Variants in TMEM37 observed in about 807,000 individuals in gnomAD.
The protein encoded by TMEM37 is transmembrane protein 37.
In TMEM37, 12 loss-of-function variants were observed where a neutral mutation model predicts 11.0. The observed-to-expected ratio is 1.09, with a 90% CI of 0.70 to 1.76. TMEM37 has a LOEUF of 1.76. Among genes scored for constraint, TMEM37 ranks in the 40% most tolerant of loss-of-function variants. The probability of loss-of-function intolerance (pLI) is 0.00; values close to 1 mark genes in which losing one functional copy is unlikely to be tolerated. For missense variants in TMEM37, 203 were observed against 251.2 expected, an observed-to-expected ratio of 0.81 and a Z score of 1.30; for synonymous variants, 127 against 110.5, an observed-to-expected ratio of 1.15 and a Z score of -0.94.
Position 119,437,288 on chromosome 2 carries a change from G to C in TMEM37, c.421G>C (p.Gly141Arg). The C allele has an allele frequency of 6.2e-7, 1 of 1,614,164 alleles. No homozygotes were observed. The change falls in exon 2 of 2, where the codon GGG (glycine) becomes CGG (arginine). Residue 141 changes from glycine (G) to arginine (R), a missense_variant. Physicochemically the swap from Gly to Arg is moderately radical, Grantham distance 125. Transcript: ENST00000306406. ...GGTGTCTTTCGTCCTCTCCTCCGGCGGGCTCCTGGGTTTTGTGATCCTCCT... is the reference window on the plus strand; with the variant it reads ...GGTGTCTTTCGTCCTCTCCTCCGGCCGGCTCCTGGGTTTTGTGATCCTCCT... ...LLVSFVLSSG[G>R]LLGFVILLRN...
At chr2:119,432,034 TG>T in intron 1 of TMEM37, 110 bp downstream of exon 1, 1 of 784,954 alleles carries the variant, frequency 1.3e-6, no homozygotes, top group Non-Finnish European at 1.7e-6. Flanking sequence ...GGCGTCGGGC[TG>T]GGGGTGCGAG....
At chr2:119,432,193 C>A in intron 1 of TMEM37, 1 of 362,916 alleles carries the variant, frequency 2.8e-6, no homozygotes. Flanking sequence ...GCACCCGAGG[C>A]TCCCAAACTT....
Position 119,436,919 on chromosome 2 carries a change from C to T in TMEM37, c.52C>T (p.Arg18Cys), listed in dbSNP as rs141678483. 3.4e-5 allele frequency: 55 copies of T among 1,614,086 alleles called. No individual in the cohort carries two copies. The highest frequency in any genetic ancestry group is 2.5e-4 in the East Asian group (11 of 44,876). ...AQRPLGQRQP[R>C]RSFFESFIRT... ...GAGGCCTTTGGGCCAAAGGCAGCCC[C>T]GCCGGTCCTTCTTTGAATCCTTCAT... The change falls in exon 2 of 2, where the codon CGC becomes TGC. Residue 18 changes from arginine (R) to cysteine (C), a missense_variant. By Grantham distance (180) the Arg-to-Cys change is radical (BLOSUM62 -3). Transcript: ENST00000306406.
At chr2:119,430,153 A>G, upstream of TMEM37, 1 of 658,510 alleles carries the variant, frequency 1.5e-6, no homozygotes, top group Non-Finnish European at 2.7e-6. Flanking sequence ...ACTGGGGAGA[A>G]AGCAGGTGGG....
In TMEM37 at chr2:119,436,898, C is replaced by A. The variant is rs143186655; in HGVS notation, c.31C>A (p.Pro11Thr). 1 of 1,612,818 alleles carries A rather than the reference C, an allele frequency of 6.2e-7. No homozygotes were observed. The highest frequency in any genetic ancestry group is 8.5e-7 in the Non-Finnish European group (1 of 1,179,384). ...CTACGGTTTTTTCCAGGCCCAGAGG[C>A]CTTTGGGCCAAAGGCAGCCCCGCCG... Reference protein sequence around the residue: MTAVGVQAQRPLGQRQPRRSF... With the variant: MTAVGVQAQRTLGQRQPRRSF... Residue 11 changes from proline to threonine, a missense_variant, in exon 2 of 2, where the codon CCT becomes ACT. Physicochemically the swap from Pro to Thr is conservative, Grantham distance 38. Coordinates refer to ENST00000306406, the MANE Select transcript of TMEM37 (RefSeq NM_183240.3).
chr2:119,434,400 G>GT lies in TMEM37; in HGVS notation c.21+2479dup, dbSNP rs1241899562. 2.0e-5 allele frequency among the ~76,000 whole-genome samples: 3 copies of GT among 152,014 alleles called. No homozygotes were observed. In the East Asian group the frequency reaches 5.8e-4, roughly 29 times the overall value. On this transcript the variant is annotated intron_variant, in intron 1 of 1. Transcript: ENST00000306406. ...TGCCCAAGGACAAACACCTCTAATG[G>GT]TTTGTGGAGTAGACACAGGTTTTCA... is the stretch of plus-strand genomic sequence containing the variant.
chr2:119,437,589 G>A lies in TMEM37; in HGVS notation c.*149G>A. The A allele has an allele frequency of 3.5e-6, 4 of 1,136,600 alleles. No homozygotes were observed. The highest frequency in any genetic ancestry group is 4.9e-6 in the Non-Finnish European group (4 of 817,656). The allele number at this position is 1,136,600 out of a possible 1,614,324, so 70.4% of individuals were successfully genotyped here. ...CCTGTTTGCCGATAACTTGTGGGTG[G>A]TCAGCCAGAAATGGCCCGGGGGCCT... On this transcript the variant is annotated 3_prime_UTR_variant, in exon 2 of 2. Transcript: ENST00000306406.
chr2:119,430,957 T>G (rs2104733445), upstream of TMEM37, among the ~76,000 whole-genome samples: 1 of 152,210 alleles, frequency 6.6e-6, no homozygotes, highest in East Asian at 1.9e-4. Context: ...ACCAAAATGG[T>G]GAAACCCCCG....
intron 1 of TMEM37, 68 bp from the exon 2 acceptor site, chr2:119,436,820 TC>T (rs1682504227): frequency 1.5e-6 from 2 of 1,312,288 alleles, no homozygotes; most frequent in Non-Finnish European, 2.1e-6. Flanking sequence ...TCAGGGGTCT[TC>T]CCTGCAGAGG....
At chr2:119,434,441 T>C (rs1415832634) in intron 1 of TMEM37, among the ~76,000 whole-genome samples, 1 of 151,930 alleles carries the variant, frequency 6.6e-6, no homozygotes, top group Non-Finnish European at 1.5e-5. Flanking sequence ...TCCTTTGGTT[T>C]CTTTCTTACC....
upstream of TMEM37, chr2:119,429,898 C>T: frequency 7.8e-6 from 12 of 1,547,472 alleles, no homozygotes; most frequent in Non-Finnish European, 9.6e-6. Context: ...CCTGACCACA[C>T]ACGAAACTGG....
chr2:119,430,736 TG>T (rs1682376200), upstream of TMEM37, among the ~76,000 whole-genome samples: 1 of 152,190 alleles, frequency 6.6e-6, no homozygotes, highest in Non-Finnish European at 1.5e-5. Flanking sequence ...CCACCACATT[TG>T]AGGATGGGGG....
intron 1 of TMEM37, among the ~76,000 whole-genome samples, chr2:119,434,726 G>A (rs1303197198): frequency 1.3e-5 from 2 of 152,184 alleles, no homozygotes; most frequent in Admixed American, 1.3e-4. Flanking sequence ...CTCTGGCATG[G>A]CCCTTGAGGC....
At chr2:119,435,456 C>T (rs1248328653) in intron 1 of TMEM37, among the ~76,000 whole-genome samples, 1 of 152,202 alleles carries the variant, frequency 6.6e-6, no homozygotes, top group African/African-American at 2.4e-5. Context: ...CCTCCCAAAC[C>T]GAGGTGTAAC....
At position 119,437,212 on chromosome 2, in the gene TMEM37, C is replaced by T. The variant is rs201717565; in HGVS notation, c.345C>T (p.Cys115=). The T allele has an allele frequency of 7.6e-5, 123 of 1,614,222 alleles. No individual in the cohort carries two copies. Among genetic ancestry groups the T allele is most frequent in the East Asian group, 1.3e-4 (6 of 44,878 alleles). Residue 115 remains cysteine (C), a synonymous_variant, in exon 2 of 2, where the codon TGC becomes TGT. Transcript: ENST00000306406. ...AGTTCCTCATGGTGTCCCAGTTGTG[C>T]GAGGACAAACACTCACAGTGCAAGT... The part of the protein sequence containing the change: ...GLEFLMVSQL[C]EDKHSQCKWV...
chr2:119,433,774 C>T (rs1395541899), intron 1 of TMEM37, among the ~76,000 whole-genome samples: 1 of 152,164 alleles, frequency 6.6e-6, no homozygotes, highest in Non-Finnish European at 1.5e-5. Context: ...GACTTGACCT[C>T]CCCGCTCCCT....
At chr2:119,432,076 C>G (rs527599460) in intron 1 of TMEM37, 152 bp downstream of exon 1, 1 of 473,748 alleles carries the variant, frequency 2.1e-6, no homozygotes, top group South Asian at 1.1e-4. Flanking sequence ...TGTTGCAAAC[C>G]TGGGTCCGGA....
upstream of TMEM37, among the ~76,000 whole-genome samples, chr2:119,431,315 C>A (rs1682389645): frequency 6.6e-6 from 1 of 152,234 alleles, no homozygotes; most frequent in South Asian, 2.1e-4. Context: ...AGTTCCACTC[C>A]GTTCACACTC....
intron 1 of TMEM37, chr2:119,432,185 A>T: frequency 2.7e-6 from 1 of 365,338 alleles, no homozygotes; most frequent in Non-Finnish European, 4.9e-6. Flanking sequence ...CCTTGCAAGC[A>T]CCCGAGGCTC....
Sources: allele counts gnomAD v4.1 joint callset (sites outside exome capture counted in the v4.1 genomes callset), GRCh38; gene constraint gnomAD v4.1.1; transcripts MANE v1.5; gene names NCBI Gene and HGNC (gene_info 2026-07-23, HGNC 2026-07-21).